Variants in CFAP77 observed in about 807,000 individuals in gnomAD.
CFAP77 encodes cilia- and flagella-associated protein 77.
Under a neutral mutation model 31.1 loss-of-function variants are expected in CFAP77, and 25 were observed. The observed-to-expected ratio is 0.80, with a 90% CI of 0.59 to 1.12. CFAP77 has a LOEUF of 1.12. Among genes scored for constraint, CFAP77 ranks in the 50% most tolerant of loss-of-function variants. The probability of loss-of-function intolerance (pLI) is 0.00; values close to 1 mark genes in which losing one functional copy is unlikely to be tolerated. For synonymous variants in CFAP77, 151 were observed against 159.9 expected (o/e 0.94, Z 0.42); for missense variants, 377 against 397.3 (o/e 0.95, Z 0.44).
At chr9:132,553,221 C>T (rs984410506) in intron 5 of CFAP77, among the ~76,000 whole-genome samples, 2 of 152,136 alleles carry the variant, frequency 1.3e-5, no homozygotes, top group African/African-American at 4.8e-5. Context: ...TCATGGGGGC[C>T]CCACCCTCAC....
At chr9:132,438,541 A>ATATTTTTTTTTTT in intron 1 of CFAP77, among the ~76,000 whole-genome samples, 2 of 108,154 alleles carry the variant, frequency 1.8e-5, no homozygotes, top group African/African-American at 8.1e-5. Context: ...ATATATATAT[A>ATATTTTTTTTTTT]TTTTTTTTTT....
chr9:132,414,113 A>T (rs913086624), intron 1 of CFAP77, among the ~76,000 whole-genome samples: 1 of 152,234 alleles, frequency 6.6e-6, no homozygotes, highest in Non-Finnish European at 1.5e-5. Flanking sequence ...ATGATTAATT[A>T]ACCAATGACA....
Position 132,454,879 on chromosome 9 carries a change from G to C in CFAP77, c.196-43816G>C, listed in dbSNP as rs115980988. On this transcript the variant is annotated intron_variant, in intron 1 of 5. Coordinates refer to ENST00000393216, the MANE Select transcript of CFAP77 (RefSeq NM_001282957.2). ...GTTGACTTCAATCAGTCAGTGACTTGAGCCAATTCTCCCCACCCAAACCAC... is the reference window on the plus strand; with the variant it reads ...GTTGACTTCAATCAGTCAGTGACTTCAGCCAATTCTCCCCACCCAAACCAC... Among the ~76,000 whole-genome samples, 302 of 152,230 alleles carry C rather than the reference G, an allele frequency of 2.0e-3. 1 individual carries two copies. The highest frequency in any genetic ancestry group is 7.1e-3 in the African/African-American group (294 of 41,540).
intron 3 of CFAP77, among the ~76,000 whole-genome samples, chr9:132,508,900 G>A (rs1245352872): frequency 6.6e-6 from 1 of 152,160 alleles, no homozygotes; most frequent in African/African-American, 2.4e-5. Context: ...TTTGAGCCGA[G>A]TCTCCCTCCA....
intron 1 of CFAP77, among the ~76,000 whole-genome samples, chr9:132,431,528 G>A (rs1850411590): frequency 6.6e-6 from 1 of 152,148 alleles, no homozygotes. Context: ...TGAATGAAAA[G>A]ATAGGACAAA....
At chr9:132,475,983 G>A (rs2118888989) in intron 1 of CFAP77, among the ~76,000 whole-genome samples, 1 of 152,326 alleles carries the variant, frequency 6.6e-6, no homozygotes, top group Non-Finnish European at 1.5e-5. Flanking sequence ...ATTTGCCGCT[G>A]CCTGCATTTC....
At chr9:132,468,303 G>A (rs1465565878) in intron 1 of CFAP77, among the ~76,000 whole-genome samples, 2 of 152,124 alleles carry the variant, frequency 1.3e-5, no homozygotes, top group Admixed American at 1.3e-4. Flanking sequence ...CCGAGGTTGC[G>A]CCACTGCCTC....
At chr9:132,562,078 A>C (rs1034958067) in intron 5 of CFAP77, among the ~76,000 whole-genome samples, 8 of 152,202 alleles carry the variant, frequency 5.3e-5, no homozygotes, top group African/African-American at 1.9e-4. Flanking sequence ...TACGTAAGCC[A>C]ACGTCACCCA....
chr9:132,493,725 A>G (rs1423173061), intron 1 of CFAP77, among the ~76,000 whole-genome samples: 5 of 152,344 alleles, frequency 3.3e-5, no homozygotes, highest in Non-Finnish European at 4.4e-5. Flanking sequence ...CTGCATCCGC[A>G]TGGAGGAGCG....
At chr9:132,468,807 A>ACACACG (rs1554740255) in intron 1 of CFAP77, among the ~76,000 whole-genome samples, 1 of 150,772 alleles carries the variant, frequency 6.6e-6, no homozygotes, top group African/African-American at 2.4e-5. Context: ...ACACACACAC[A>ACACACG]CACGCACGCA....
intron 3 of CFAP77, among the ~76,000 whole-genome samples, chr9:132,533,954 T>C (rs1564243765): frequency 6.6e-6 from 1 of 152,198 alleles, no homozygotes; most frequent in African/African-American, 2.4e-5. Flanking sequence ...CATTCCAGTT[T>C]ACGTTGGGTT....
chr9:132,421,289 G>C (rs945606295), intron 1 of CFAP77, among the ~76,000 whole-genome samples: 3 of 151,888 alleles, frequency 2.0e-5, no homozygotes, highest in African/African-American at 7.3e-5. Context: ...ACCATGCCCG[G>C]CCTTGGGCTG....
At chr9:132,530,215 T>C (rs571921690) in intron 3 of CFAP77, among the ~76,000 whole-genome samples, 7 of 143,876 alleles carry the variant, frequency 4.9e-5, no homozygotes, top group Admixed American at 2.8e-4. Flanking sequence ...TCCTCCCACC[T>C]TGGACTCTCA....
chr9:132,566,176 G>T (rs544119932), intron 5 of CFAP77, among the ~76,000 whole-genome samples: 3 of 152,290 alleles, frequency 2.0e-5, no homozygotes, highest in South Asian at 4.1e-4. Flanking sequence ...CTTGGAGAGG[G>T]GGGAGCGTGC....
intron 1 of CFAP77, among the ~76,000 whole-genome samples, chr9:132,433,941 AG>A (rs907806153): frequency 2.0e-5 from 3 of 148,210 alleles, no homozygotes; most frequent in Non-Finnish European, 3.0e-5. Flanking sequence ...GTTAGAGACC[AG>A]CCTGGGCAAC....
At chr9:132,506,507 C>T (rs532419481) in intron 3 of CFAP77, among the ~76,000 whole-genome samples, 19 of 151,942 alleles carry the variant, frequency 1.3e-4, no homozygotes, top group African/African-American at 4.6e-4. Context: ...GGACTCTGGG[C>T]ACCCTGGGCT....
Position 132,501,088 on chromosome 9 carries a change from T to G in CFAP77, c.524+1488T>G, listed in dbSNP as rs2118968435. Among the ~76,000 whole-genome samples the G allele has an allele frequency of 6.6e-6, 1 of 152,362 alleles. No homozygotes were observed. The highest frequency in any genetic ancestry group is 2.4e-5 in the African/African-American group (1 of 41,582). ...TGTCCCAACCCTGGCACACATGACA[T>G]TCTATAAAAGCAGAATGTAGTTGTG... On this transcript the variant is annotated intron_variant, in intron 3 of 5. Coordinates refer to ENST00000393216, the MANE Select transcript of CFAP77 (RefSeq NM_001282957.2). This position sits in a 1 kb window ranked among gnomAD's most constrained non-coding sequence, Gnocchi z 4.6.
At chr9:132,482,565 G>T in intron 1 of CFAP77, 1 of 667,294 alleles carries the variant, frequency 1.5e-6, no homozygotes, top group Non-Finnish European at 2.6e-6. Flanking sequence ...TTACGCCATG[G>T]GGTGGGGACG....
chr9:132,551,610 TTCGTGAGTTA>T (rs1852821799), intron 5 of CFAP77, among the ~76,000 whole-genome samples: 1 of 152,254 alleles, frequency 6.6e-6, no homozygotes, highest in Non-Finnish European at 1.5e-5. Flanking sequence ...CCTGGGTGCT[TTCGTGAGTTA>T]TCCCATTTCA....
Sources: allele counts gnomAD v4.1 joint callset (sites outside exome capture counted in the v4.1 genomes callset), GRCh38; gene constraint gnomAD v4.1.1; non-coding constraint Gnocchi (gnomAD v3.1); transcripts MANE v1.5; gene names NCBI Gene and HGNC (gene_info 2026-07-23, HGNC 2026-07-21).